Variants in OR5B3 observed in about 807,000 individuals in gnomAD.
The protein encoded by OR5B3 is olfactory receptor 5B3.
For synonymous variants in OR5B3, 150 were observed against 135.0 expected (o/e 1.11, Z -0.77); for missense variants, 430 against 375.4 (o/e 1.15, Z -1.20).
chr11:58,404,225 T>A (rs1679412949), intron 1 of OR5B3, among the ~76,000 whole-genome samples: 1 of 151,708 alleles, frequency 6.6e-6, no homozygotes, highest in Non-Finnish European at 1.5e-5. Context: ...AAGAGTTGCG[T>A]ATCAGTCCAC....
In OR5B3 at chr11:58,402,799, T is replaced by C. The variant is rs1326089413; in HGVS notation, c.611A>G (p.Asn204Ser). Residue 204 changes from asparagine (N) to serine (S), a missense_variant, in exon 2 of 2, where the codon AAT (asparagine) becomes AGT (serine). By Grantham distance (46) the Asn-to-Ser change is conservative. Transcript: ENST00000641865. The part of the protein sequence containing the change: ...ELVLIYVVSF[N>S]IFIALLVILI... ...GATAACCAGGAGAGCTATAAAGATATTGAAGCTCACAACATAAATAAGAAC... is the reference window on the plus strand; with the variant it reads ...GATAACCAGGAGAGCTATAAAGATACTGAAGCTCACAACATAAATAAGAAC... The C allele has an allele frequency of 1.9e-6, 3 of 1,613,730 alleles. No individual in the cohort carries two copies. The highest frequency in any genetic ancestry group is 1.7e-6 in the Non-Finnish European group (2 of 1,179,910).
intron 1 of OR5B3, among the ~76,000 whole-genome samples, chr11:58,403,986 TG>T (rs1385021101): frequency 6.6e-6 from 1 of 152,200 alleles, no homozygotes; most frequent in Non-Finnish European, 1.5e-5. Flanking sequence ...CTAAATCTAA[TG>T]GTCTAAACTG....
rs11229413 is a variant in OR5B3, at chr11:58,403,265, A to G, written c.145T>C (p.Trp49Arg). The G allele has an allele frequency of 0.35, 561,308 of 1,612,706 alleles. 100,122 individuals carry two copies. Among genetic ancestry groups the G allele is most frequent in the Non-Finnish European group, 0.37 (435,073 of 1,179,002 alleles). Residue 49 changes from tryptophan to arginine, a missense_variant, in exon 2 of 2, where the codon TGG becomes CGG. Transcript: ENST00000641865. ...ATGGGATTGTGGAGACAGGAATCCCAGAATATCAATACAATAATTCCCAGG... is the reference window on the plus strand; with the variant it reads ...ATGGGATTGTGGAGACAGGAATCCCGGAATATCAATACAATAATTCCCAGG... ...GNLGIIVLIF[W>R]DSCLHNPMYF...
chr11:58,402,520 C>T lies in OR5B3; in HGVS notation c.890G>A (p.Ser297Asn). The T allele has an allele frequency of 3.1e-6, 5 of 1,613,578 alleles. No homozygotes were observed. The highest frequency in any genetic ancestry group is 1.3e-5 in the African/African-American group (1 of 75,026). ...VYSLRNKEVKSAFKKVVEKAK... is the reference protein window; with the variant it reads ...VYSLRNKEVKNAFKKVVEKAK... ...CTTCTCAACAACTTTCTTGAATGCACTCTTCACTTCCTTGTTCCTCAGACT... is the reference window on the plus strand; with the variant it reads ...CTTCTCAACAACTTTCTTGAATGCATTCTTCACTTCCTTGTTCCTCAGACT... Residue 297 changes from serine (S) to asparagine (N), a missense_variant, in exon 2 of 2, where the codon AGT becomes AAT. Transcript: ENST00000641865.
Position 58,403,440 on chromosome 11 carries a change from T to C in OR5B3, c.-26-5A>G. On this transcript the variant is annotated splice_region_variant and splice_polypyrimidine_tract_variant and intron_variant, in intron 1 of 1. Coordinates refer to ENST00000641865, the MANE Select transcript of OR5B3 (RefSeq NM_001005469.2). ...CTCTGGGGGACTCACAGGATGCTTG[T>C]AGCAATACAAAAAAGAACAGTGTGA... 1 of 1,228,476 alleles carries C rather than the reference T, an allele frequency of 8.1e-7. No homozygotes were observed. The highest frequency in any genetic ancestry group is 1.1e-6 in the Non-Finnish European group (1 of 876,616). The allele number at this position is 1,228,476 out of a possible 1,614,324, so 76.1% of individuals were successfully genotyped here.
At chr11:58,405,213 G>A (rs189433139) in intron 1 of OR5B3, among the ~76,000 whole-genome samples, 1 of 152,206 alleles carries the variant, frequency 6.6e-6, no homozygotes, top group East Asian at 1.9e-4. Flanking sequence ...CCACGTTGCT[G>A]CAAAGGACAT....
intron 1 of OR5B3, among the ~76,000 whole-genome samples, chr11:58,406,173 G>A (rs1462684920): frequency 5.5e-5 from 8 of 144,530 alleles, no homozygotes; most frequent in Non-Finnish European, 1.1e-4. Flanking sequence ...ATGCGTGTGT[G>A]CGCATGTGTG....
At chr11:58,406,178 T>C (rs1855096978) in intron 1 of OR5B3, among the ~76,000 whole-genome samples, 1 of 134,372 alleles carries the variant, frequency 7.4e-6, no homozygotes, top group Admixed American at 7.1e-5. Flanking sequence ...TGTGTGCGCA[T>C]GTGTGTGTGT....
intron 1 of OR5B3, 107 bp from the exon 2 acceptor site, chr11:58,403,542 G>C (rs979616271): frequency 5.6e-5 from 31 of 549,700 alleles, no homozygotes; most frequent in Non-Finnish European, 8.7e-5. Flanking sequence ...TGTACTTCAA[G>C]ATTCCCTAGA....
At chr11:58,405,021 G>A (rs918980986) in intron 1 of OR5B3, among the ~76,000 whole-genome samples, 2 of 152,122 alleles carry the variant, frequency 1.3e-5, no homozygotes, top group African/African-American at 2.4e-5. Flanking sequence ...CATACCATCT[G>A]ATAGGTAGTT....
chr11:58,406,476 C>T (rs558542974), intron 1 of OR5B3, among the ~76,000 whole-genome samples: 19 of 151,528 alleles, frequency 1.3e-4, no homozygotes, highest in Middle Eastern at 6.8e-3. Flanking sequence ...GAACATTTCA[C>T]TTGTTTTTGT....
intron 1 of OR5B3, among the ~76,000 whole-genome samples, chr11:58,406,149 T>C (rs933752748): frequency 3.3e-5 from 5 of 151,992 alleles, no homozygotes; most frequent in Non-Finnish European, 5.9e-5. Context: ...TATATATAAA[T>C]AATGTGTGTG....
At chr11:58,404,386 C>T (rs559796267) in intron 1 of OR5B3, among the ~76,000 whole-genome samples, 1 of 83,982 alleles carries the variant, frequency 1.2e-5, no homozygotes, top group East Asian at 2.5e-4. Context: ...ATGTTAAGCA[C>T]AGCCTAATGA....
rs2119890823 is a variant in OR5B3 at position 58,403,303 on chromosome 11, G to A, written c.107C>T (p.Thr36Ile). The change falls in exon 2 of 2, where the codon ACT (threonine) becomes ATT (isoleucine). Residue 36 changes from threonine (T) to isoleucine (I), a missense_variant. Transcript: ENST00000641865. ...AATAATTCCCAGGTTTCCAACCAGA[G>A]TGATAATATAGATGAAGGGGAACGT... ...FITFPFIYII[T>I]LVGNLGIIVL... is the part of the protein sequence containing the mutation. The A allele has an allele frequency of 1.2e-6, 2 of 1,612,826 alleles. No homozygotes were observed. The highest frequency in any genetic ancestry group is 1.7e-4 in the Middle Eastern group (1 of 6,052).
At position 58,402,740 on chromosome 11, in the gene OR5B3, G is replaced by T; in HGVS notation, c.670C>A (p.Leu224Ile). 6.2e-7 allele frequency: 1 copy of T among 1,613,868 alleles called. No individual in the cohort carries two copies. The highest frequency in any genetic ancestry group is 8.5e-7 in the Non-Finnish European group (1 of 1,179,928). ...TATACTGAAGCTGAGTGCATCTTTA[G>T]GATGGTGATAAAAATGAATGTGTAG... ...ISYTFIFITI[L>I]KMHSASVYQK... The change falls in exon 2 of 2, where the codon CTA becomes ATA. Residue 224 changes from leucine to isoleucine, a missense_variant. Leu to Ile is a conservative substitution (Grantham distance 5). Coordinates refer to ENST00000641865, the MANE Select transcript of OR5B3 (RefSeq NM_001005469.2).
At chr11:58,405,476 C>T (rs1855087863) in intron 1 of OR5B3, among the ~76,000 whole-genome samples, 1 of 152,054 alleles carries the variant, frequency 6.6e-6, no homozygotes, top group Non-Finnish European at 1.5e-5. Context: ...AAGCCATTAT[C>T]CTCAGCAAAC....
chr11:58,403,102 A>G lies in OR5B3; in HGVS notation c.308T>C (p.Val103Ala), dbSNP rs1855054735. ...GTAATTTTCCACAGTGGCAAAAGCT[A>G]CAAAGATATACATTTGAGCAGCACA... ...NACAAQMYIF[V>A]AFATVENYLL... Residue 103 changes from valine (V) to alanine (A), a missense_variant, in exon 2 of 2, where the codon GTA becomes GCA. Physicochemically the swap from Val to Ala is moderately conservative, Grantham distance 64 (BLOSUM62 0). Coordinates refer to ENST00000641865, the MANE Select transcript of OR5B3 (RefSeq NM_001005469.2). 2 of 1,614,062 alleles carry G rather than the reference A, an allele frequency of 1.2e-6. No individual in the cohort carries two copies. Among genetic ancestry groups the G allele is most frequent in the African/African-American group, 1.3e-5 (1 of 74,938 alleles).
Position 58,402,464 on chromosome 11 carries a change from G to A in OR5B3, c.*1C>T. 1.3e-6 allele frequency: 2 copies of A among 1,560,374 alleles called. No individual in the cohort carries two copies. Among genetic ancestry groups the A allele is most frequent in the Non-Finnish European group, 1.8e-6 (2 of 1,130,826 alleles). Reference sequence around the variant, plus strand: ...ACTAGGTTATGGTGCATCCCACAATGTTAAACTGACCATCCTACAGACAAT... The same window carrying A: ...ACTAGGTTATGGTGCATCCCACAATATTAAACTGACCATCCTACAGACAAT... On this transcript the variant is annotated 3_prime_UTR_variant, in exon 2 of 2. Coordinates refer to ENST00000641865, the MANE Select transcript of OR5B3 (RefSeq NM_001005469.2).
chr11:58,405,979 G>T (rs181327567), intron 1 of OR5B3, among the ~76,000 whole-genome samples: 5 of 152,222 alleles, frequency 3.3e-5, no homozygotes, highest in African/African-American at 1.2e-4. Context: ...CTGGAGAAGG[G>T]TGTCCAACCA....
Sources: gnomAD v4.1 joint callset for allele counts (sites outside exome capture counted in the v4.1 genomes callset) on GRCh38, gnomAD v4.1.1 for gene constraint, MANE v1.5 for transcripts, NCBI Gene and HGNC (gene_info 2026-07-23, HGNC 2026-07-21) for gene names.